The following MRPS22 variants were observed in gnomAD, a reference collection of about 807,000 sequenced individuals.
MRPS22 encodes the protein small ribosomal subunit protein mS22.
MRPS22 carries 30 observed loss-of-function variants against 44.0 expected under a neutral mutation model. That is an observed-to-expected ratio of 0.68 (90% CI 0.51 to 0.93). The LOEUF (loss-of-function observed/expected upper bound fraction) is 0.93. MRPS22 is among the 40% of genes least tolerant of loss of function. The probability of loss-of-function intolerance (pLI) is 0.00; values close to 1 mark genes in which losing one functional copy is unlikely to be tolerated. For synonymous variants in MRPS22, 165 were observed against 154.4 expected, an observed-to-expected ratio of 1.07 and a Z score of -0.51; for missense variants, 447 against 447.8, an observed-to-expected ratio of 1.00 and a Z score of 0.02.
intron 1 of MRPS22, among the ~76,000 whole-genome samples, chr3:139,345,414 A>C (rs1213762695): frequency 6.7e-6 from 1 of 148,404 alleles, no homozygotes; most frequent in African/African-American, 2.5e-5. Flanking sequence ...AAGGCAAACA[A>C]TCAGTATGTT....
chr3:139,355,082 G>A (rs1941220376), intron 6 of MRPS22, among the ~76,000 whole-genome samples: 1 of 152,200 alleles, frequency 6.6e-6, no homozygotes, highest in Non-Finnish European at 1.5e-5. Flanking sequence ...TGTAGAACCC[G>A]ATTTTCCTTT....
In MRPS22 at chr3:139,348,241, G is replaced by A. The variant is rs1262069849; in HGVS notation, c.421G>A (p.Val141Met). 1.2e-6 allele frequency: 2 copies of A among 1,614,064 alleles called. No individual in the cohort carries two copies. The highest frequency in any genetic ancestry group is 4.5e-5 in the East Asian group (2 of 44,878). ...VLEERVPIND[V>M]LAEDKILEGT... ...GGAAGAGCGAGTACCAATAAATGAT[G>A]TGTTAGCTGAAGATAAGATTTTGGA... is the stretch of plus-strand genomic sequence containing the variant. Residue 141 changes from valine (V) to methionine (M), a missense_variant, in exon 3 of 8, where the codon GTG (valine) becomes ATG (methionine). Val to Met is a conservative substitution (Grantham distance 21, BLOSUM62 1). Coordinates refer to ENST00000680020, the MANE Select transcript of MRPS22 (RefSeq NM_020191.4).
chr3:139,347,519 C>G (rs1207209798), intron 2 of MRPS22, among the ~76,000 whole-genome samples: 2 of 152,142 alleles, frequency 1.3e-5, no homozygotes, highest in Non-Finnish European at 2.9e-5. Flanking sequence ...CTTTCTGATT[C>G]AAAAGTAATT....
chr3:139,350,799 A>G, intron 4 of MRPS22, 178 bp from the exon 5 acceptor site: 1 of 664,204 alleles, frequency 1.5e-6, no homozygotes, highest in South Asian at 1.6e-5. Flanking sequence ...TTCTCTCATA[A>G]TTGGCTTAGC....
chr3:139,346,703 T>C, intron 1 of MRPS22, 175 bp from the exon 2 acceptor site: 4 of 654,392 alleles, frequency 6.1e-6, no homozygotes, highest in South Asian at 1.9e-5. Flanking sequence ...TCATAATGAG[T>C]GCTCAGTAAA....
At chr3:139,350,026 A>T (rs2107788830) in intron 3 of MRPS22, among the ~76,000 whole-genome samples, 153 bp from the exon 4 acceptor site, 1 of 152,334 alleles carries the variant, frequency 6.6e-6, no homozygotes, top group South Asian at 2.1e-4. Context: ...AACCTTGCCA[A>T]GTCTTTGAGG....
intron 3 of MRPS22, chr3:139,348,574 A>G: frequency 2.0e-6 from 1 of 492,626 alleles, no homozygotes; most frequent in Non-Finnish European, 3.7e-6. Flanking sequence ...GAGGCAGAAC[A>G]AGGAGTACAC....
At chr3:139,355,820 T>G (rs1335774874) in intron 7 of MRPS22, 30 bp downstream of exon 7, 1 of 1,548,200 alleles carries the variant, frequency 6.5e-7, no homozygotes, top group South Asian at 1.1e-5. Flanking sequence ...TTGGTTGTTT[T>G]GTGGTGGTAA....
chr3:139,348,576 G>C (rs1386674192), intron 3 of MRPS22: 3 of 483,254 alleles, frequency 6.2e-6, no homozygotes, highest in African/African-American at 5.8e-5. Context: ...GGCAGAACAA[G>C]GAGTACACAG....
At chr3:139,356,867 T>C (rs954035419) in intron 7 of MRPS22, 52 bp from the exon 8 acceptor site, 7 of 1,346,382 alleles carry the variant, frequency 5.2e-6, no homozygotes, top group Middle Eastern at 2.2e-4. Context: ...TGAAAAACTT[T>C]ATAAATAGCA....
chr3:139,345,780 G>C (rs547353655), intron 1 of MRPS22, among the ~76,000 whole-genome samples: 1 of 152,166 alleles, frequency 6.6e-6, no homozygotes, highest in East Asian at 1.9e-4. Context: ...AAGTTGATGG[G>C]TTCTGACTTG....
In MRPS22 at chr3:139,344,055, T is replaced by C. The variant is rs1940986597; in HGVS notation, c.29T>C (p.Leu10Pro). The C allele has an allele frequency of 1.2e-6, 2 of 1,614,090 alleles. No individual in the cohort carries two copies. Among genetic ancestry groups the C allele is most frequent in the African/African-American group, 1.3e-5 (1 of 74,932 alleles). ...GCGCCCCTCGGAACAACTGTATTGC[T>C]GTGGAGCCTCTTGAGGAGTTCTCCG... is the stretch of plus-strand genomic sequence containing the variant. The part of the protein sequence containing the change: MAPLGTTVL[L>P]WSLLRSSPGV... The change falls in exon 1 of 8, where the codon CTG becomes CCG. Residue 10 changes from leucine (L) to proline (P), a missense_variant. Transcript: ENST00000680020.
rs375619422 is a variant in MRPS22, at chr3:139,357,032, A to G, written c.*18A>G. ...CTTCCTAAAAATATTTTAAAAATACATTTATTTTACTAAATACTGACTACA... is the reference window on the plus strand; with the variant it reads ...CTTCCTAAAAATATTTTAAAAATACGTTTATTTTACTAAATACTGACTACA... On this transcript the variant is annotated 3_prime_UTR_variant, in exon 8 of 8. Coordinates refer to ENST00000680020, the MANE Select transcript of MRPS22 (RefSeq NM_020191.4). 2.1e-4 allele frequency: 329 copies of G among 1,550,684 alleles called. No individual in the cohort carries two copies. Among genetic ancestry groups the G allele is most frequent in the Admixed American group, 5.7e-4 (34 of 59,658 alleles).
intron 4 of MRPS22, 140 bp downstream of exon 4, chr3:139,350,462 C>T (rs1279293934): frequency 3.1e-6 from 3 of 971,388 alleles, no homozygotes. Flanking sequence ...AGTTTCGCTC[C>T]TTTTGCCCAG....
intron 6 of MRPS22, among the ~76,000 whole-genome samples, chr3:139,354,592 A>G (rs1028007977): frequency 6.6e-6 from 1 of 152,212 alleles, no homozygotes; most frequent in Non-Finnish European, 1.5e-5. Flanking sequence ...TGTTTTCCTG[A>G]GAGATGGCCT....
chr3:139,356,213 A>G (rs1023155372), intron 7 of MRPS22, among the ~76,000 whole-genome samples: 4 of 152,214 alleles, frequency 2.6e-5, no homozygotes, highest in African/African-American at 9.6e-5. Context: ...GGCATGTGTC[A>G]AGAAGTGGAG....
chr3:139,352,486 G>T, intron 5 of MRPS22, 161 bp from the exon 6 acceptor site: 1 of 645,376 alleles, frequency 1.5e-6, no homozygotes, highest in Non-Finnish European at 2.8e-6. Flanking sequence ...GTTGTACTAG[G>T]AATGGTTTAA....
At chr3:139,353,905 AAAC>A (rs1941197134) in intron 6 of MRPS22, among the ~76,000 whole-genome samples, 2 of 152,232 alleles carry the variant, frequency 1.3e-5, no homozygotes, top group Admixed American at 1.3e-4. Flanking sequence ...TTTATTATTA[AAAC>A]AGTATGTTCT....
intron 7 of MRPS22, among the ~76,000 whole-genome samples, chr3:139,356,335 T>G (rs753615006): frequency 3.5e-4 from 53 of 152,208 alleles, no homozygotes; most frequent in Admixed American, 2.0e-4. Flanking sequence ...AGAGTTGAGA[T>G]GATATTTTCA....
Sources: allele counts gnomAD v4.1 joint callset (sites outside exome capture counted in the v4.1 genomes callset), GRCh38; gene constraint gnomAD v4.1.1; transcripts MANE v1.5; gene names NCBI Gene and HGNC (gene_info 2026-07-23, HGNC 2026-07-21).